ATP5F1B: variants seen among roughly 807,000 people sequenced by gnomAD.
ATP5F1B encodes ATP synthase F(1) complex subunit beta, mitochondrial.
A neutral mutation model predicts 45.9 loss-of-function variants in ATP5F1B; 17 were observed. The observed-to-expected ratio is 0.37, with a 90% CI of 0.25 to 0.56. The LOEUF (loss-of-function observed/expected upper bound fraction) is 0.56. Ranked by LOEUF, ATP5F1B falls within the 20% of genes least tolerant of loss-of-function variation. The probability of loss-of-function intolerance (pLI) is 0.80; values close to 1 mark genes in which losing one functional copy is unlikely to be tolerated. For synonymous variants in ATP5F1B, 218 were observed against 256.5 expected, an observed-to-expected ratio of 0.85 and a Z score of 1.43; for missense variants, 387 against 673.2, an observed-to-expected ratio of 0.57 and a Z score of 4.70.
At chr12:56,639,072 A>G in intron 9 of ATP5F1B, 34 bp downstream of exon 9, 2 of 1,598,940 alleles carry the variant, frequency 1.3e-6, no homozygotes, top group Non-Finnish European at 1.7e-6. Flanking sequence ...ACCACAGCAC[A>G]GTAAACATTC....
chr12:56,644,546 G>A (rs543565170), intron 3 of ATP5F1B, among the ~76,000 whole-genome samples: 3 of 152,206 alleles, frequency 2.0e-5, no homozygotes, highest in African/African-American at 7.2e-5. Flanking sequence ...AGGAGGTGGA[G>A]GTTGCAGTGA....
At chr12:56,639,815 A>C in intron 8 of ATP5F1B, 165 bp downstream of exon 8, 1 of 648,234 alleles carries the variant, frequency 1.5e-6, no homozygotes, top group South Asian at 2.0e-5. Context: ...CAAAGCGTTA[A>C]GTACCTGGAA....
rs1399691093 is a variant in ATP5F1B at position 56,643,941 on chromosome 12, G to T, written c.503C>A (p.Ala168Asp). ...IKTKQFAPIH[A>D]EAPEFMEMSV... ...CATTTCCATGAACTCTGGAGCCTCA[G>T]CATGAATGGGAGCAAATCTGTAAAG... Residue 168 changes from alanine (A) to aspartate (D), a missense_variant, in exon 4 of 10, where the codon GCT (alanine) becomes GAT (aspartate). Transcript: ENST00000262030. 67 of 1,614,004 alleles carry T rather than the reference G, an allele frequency of 4.2e-5. No homozygotes were observed. Among genetic ancestry groups the T allele is most frequent in the Non-Finnish European group, 5.6e-5 (66 of 1,180,024 alleles).
chr12:56,640,058 G>A lies in ATP5F1B; in HGVS notation c.1209C>T (p.Ser403=). ...GIYPAVDPLD[S]TSRIMDPNIV... is the part of the protein sequence containing the mutation. ...TGTTGGGATCCATGATACGAGAGGT[G>A]GAGTCTAGAGGATCCACAGCTGGAT... is the stretch of plus-strand genomic sequence containing the variant. The change falls in exon 8 of 10, where the codon TCC becomes TCT. Residue 403 remains serine (S), a synonymous_variant. Coordinates refer to ENST00000262030, the MANE Select transcript of ATP5F1B (RefSeq NM_001686.4). 1.9e-6 allele frequency: 3 copies of A among 1,613,958 alleles called. No individual in the cohort carries two copies. Among genetic ancestry groups the A allele is most frequent in the Non-Finnish European group, 2.5e-6 (3 of 1,179,968 alleles).
At chr12:56,644,373 C>T (rs1331148283) in intron 3 of ATP5F1B, among the ~76,000 whole-genome samples, 9 of 120,108 alleles carry the variant, frequency 7.5e-5, no homozygotes, top group South Asian at 2.4e-4. Flanking sequence ...TTTGGGGGGC[C>T]GAGGTGGGGG....
At position 56,638,176 on chromosome 12, in the gene ATP5F1B, T is replaced by C. The variant is rs1258337150; in HGVS notation, c.*147A>G. ...TCAGAACCAAGAGAATCAGACAAAT[T>C]CTGAGGGGTGTACATTTTATTGGAA... is the stretch of plus-strand genomic sequence containing the variant. On this transcript the variant is annotated 3_prime_UTR_variant, in exon 10 of 10. Coordinates refer to ENST00000262030, the MANE Select transcript of ATP5F1B (RefSeq NM_001686.4). 3 of 650,078 alleles carry C rather than the reference T, an allele frequency of 4.6e-6. No individual in the cohort carries two copies. The highest frequency in any genetic ancestry group is 3.0e-5 in the Admixed American group (1 of 32,816). The allele number at this position is 650,078 out of a possible 1,614,324, so 40.3% of individuals were successfully genotyped here.
chr12:56,644,923 C>T lies in ATP5F1B; in HGVS notation c.343G>A (p.Gly115Ser). The T allele has an allele frequency of 1.2e-6, 2 of 1,614,148 alleles. No homozygotes were observed. The highest frequency in any genetic ancestry group is 1.7e-6 in the Non-Finnish European group (2 of 1,180,010). Residue 115 changes from glycine to serine, a missense_variant, in exon 3 of 10, where the codon GGT (glycine) becomes AGT (serine). Around this residue, in one of 6 missense-constraint regions of ATP5F1B, gnomAD observed 113 missense variants for 168.0 expected, o/e 0.67. Transcript: ENST00000262030. ...TGGCCTCTAACCAAGCCTTCTGTACCATCCATAGCAATAGTCCTTACTGTG... is the reference window on the plus strand; with the variant it reads ...TGGCCTCTAACCAAGCCTTCTGTACTATCCATAGCAATAGTCCTTACTGTG... ...ESTVRTIAMDGTEGLVRGQKV... is the reference protein window; with the variant it reads ...ESTVRTIAMDSTEGLVRGQKV...
Position 56,638,285 on chromosome 12 carries a change from G to A in ATP5F1B, c.*38C>T. 1.3e-6 allele frequency: 2 copies of A among 1,556,326 alleles called. No homozygotes were observed. The highest frequency in any genetic ancestry group is 1.1e-5 in the South Asian group (1 of 87,456). On this transcript the variant is annotated 3_prime_UTR_variant, in exon 10 of 10. Coordinates refer to ENST00000262030, the MANE Select transcript of ATP5F1B (RefSeq NM_001686.4). ...CAGAAAAATGAAGCTTTTTGGGTTA[G>A]GGGCAAGGAGAGAGACAGTACAGAG...
intron 8 of ATP5F1B, 118 bp downstream of exon 8, chr12:56,639,862 C>T: frequency 9.6e-7 from 1 of 1,046,156 alleles, no homozygotes; most frequent in Non-Finnish European, 1.4e-6. Flanking sequence ...TAGCAATTGC[C>T]AGCCTCAACT....
In ATP5F1B at chr12:56,638,303, G is replaced by A. The variant is rs1049022831; in HGVS notation, c.*20C>T. On this transcript the variant is annotated 3_prime_UTR_variant, in exon 10 of 10. Transcript: ENST00000262030. The stretch of plus-strand genomic sequence containing the variant: ...TGGGTTAGGGGCAAGGAGAGAGACA[G>A]TACAGAGGACAAAGACCCCTCACGA... The A allele has an allele frequency of 1.2e-6, 2 of 1,603,978 alleles. No homozygotes were observed. The highest frequency in any genetic ancestry group is 1.7e-6 in the Non-Finnish European group (2 of 1,171,036).
Position 56,643,890 on chromosome 12 carries a change from G to A in ATP5F1B, c.554C>T (p.Thr185Ile). The A allele has an allele frequency of 1.2e-6, 2 of 1,614,166 alleles. No individual in the cohort carries two copies. Among genetic ancestry groups the A allele is most frequent in the Non-Finnish European group, 1.7e-6 (2 of 1,180,032 alleles). ...EMSVEQEILV[T>I]GIKVVDLLAP... Reference sequence around the variant, plus strand: ...TAGCAGATCGACAACCTTGATACCAGTCACCAGAATTTCCTGCTCAACACT... The same window carrying A: ...TAGCAGATCGACAACCTTGATACCAATCACCAGAATTTCCTGCTCAACACT... Residue 185 changes from threonine to isoleucine, a missense_variant, in exon 4 of 10, where the codon ACT (threonine) becomes ATT (isoleucine). Transcript: ENST00000262030.
At position 56,642,754 on chromosome 12, in the gene ATP5F1B, A is replaced by G. The variant is rs1951522109; in HGVS notation, c.870T>C (p.Ala290=). 6.2e-7 allele frequency: 1 copy of G among 1,614,194 alleles called. No homozygotes were observed. The stretch of plus-strand genomic sequence containing the variant: ...GACCTTCTTGGTCTCTGAAGTATTC[A>G]GCCACAGTCAGCCCAGTCAGAGCTA... ...ARVALTGLTV[A]EYFRDQEGQD... is the part of the protein sequence containing the mutation. Residue 290 remains alanine (A), a synonymous_variant, in exon 6 of 10, where the codon GCT becomes GCC. Coordinates refer to ENST00000262030, the MANE Select transcript of ATP5F1B (RefSeq NM_001686.4).
chr12:56,639,674 G>A (rs1231840072), intron 8 of ATP5F1B, among the ~76,000 whole-genome samples: 1 of 151,876 alleles, frequency 6.6e-6, no homozygotes. Flanking sequence ...AGGAGGCTGA[G>A]GCAGGAGAAT....
chr12:56,641,519 A>C lies in ATP5F1B; in HGVS notation c.1074+939T>G, dbSNP rs1004940379. On this transcript the variant is annotated intron_variant, in intron 7 of 9. Transcript: ENST00000262030. ...TATATATCCCATCTATATATATTTG[A>C]AAATGTATAGTACATTAATGCAGTA... Among the ~76,000 whole-genome samples the C allele has an allele frequency of 3.9e-5, 6 of 152,122 alleles. No homozygotes were observed. In the East Asian group the frequency reaches 1.2e-3, roughly 29 times the overall value.
chr12:56,643,856 A>G lies in ATP5F1B; in HGVS notation c.588T>C (p.Tyr196=), dbSNP rs1592645516. The change falls in exon 4 of 10, where the codon TAT becomes TAC. Residue 196 remains tyrosine (Y), a synonymous_variant. Transcript: ENST00000262030. ...ACATACCAATTTTGCCACCCTTGGC[A>G]TAGGGAGCTAGCAGATCGACAACCT... ...GIKVVDLLAP[Y]AKGGKIGLFG... 1 of 1,614,206 alleles carries G rather than the reference A, an allele frequency of 6.2e-7. No individual in the cohort carries two copies. The highest frequency in any genetic ancestry group is 8.5e-7 in the Non-Finnish European group (1 of 1,180,030).
chr12:56,643,791 T>G lies in ATP5F1B; in HGVS notation c.607+46A>C. 5 of 1,611,106 alleles carry G rather than the reference T, an allele frequency of 3.1e-6. No individual in the cohort carries two copies. In the South Asian group the frequency reaches 5.5e-5, roughly 18 times the overall value. ...CCACTCATAACATTGTATGAGTTTT[T>G]CCTCCCATATTAGGTTTGGAAAATA... On this transcript the variant is annotated intron_variant, in intron 4 of 9. Coordinates refer to ENST00000262030, the MANE Select transcript of ATP5F1B (RefSeq NM_001686.4).
At position 56,640,106 on chromosome 12, in the gene ATP5F1B, A is replaced by G; in HGVS notation, c.1161T>C (p.Arg387=). 1.2e-6 allele frequency: 2 copies of G among 1,614,182 alleles called. No individual in the cohort carries two copies. Among genetic ancestry groups the G allele is most frequent in the Non-Finnish European group, 1.7e-6 (2 of 1,180,030 alleles). Reference sequence around the variant, plus strand: ...GATAGATGCCCAGCTCAGCAATGGCACGCGACAGTACAGTGGTAGCATCCA... The same window carrying G: ...GATAGATGCCCAGCTCAGCAATGGCGCGCGACAGTACAGTGGTAGCATCCA... ...AHLDATTVLS[R]AIAELGIYPA... The change falls in exon 8 of 10, where the codon CGT becomes CGC. Residue 387 remains arginine (R), a synonymous_variant. Coordinates refer to ENST00000262030, the MANE Select transcript of ATP5F1B (RefSeq NM_001686.4).
At chr12:56,645,103 A>G in intron 2 of ATP5F1B, 68 bp downstream of exon 2, 7 of 1,608,730 alleles carry the variant, frequency 4.4e-6, no homozygotes, top group South Asian at 1.1e-5. Context: ...CATAGAAGGC[A>G]GACAGCTTGG....
chr12:56,645,457 G>T, intron 1 of ATP5F1B, 104 bp from the exon 2 acceptor site: 2 of 1,293,272 alleles, frequency 1.5e-6, no homozygotes, highest in Non-Finnish European at 2.1e-6. Flanking sequence ...CCGAAGTCAG[G>T]CCTCTTTCCG....
Sources: allele counts gnomAD v4.1 joint callset (sites outside exome capture counted in the v4.1 genomes callset), GRCh38; gene constraint gnomAD v4.1.1; regional missense constraint gnomAD v4.1.1; transcripts MANE v1.5; gene names NCBI Gene and HGNC (gene_info 2026-07-23, HGNC 2026-07-21).